The following OTOG variants were observed in gnomAD, a reference collection of about 807,000 sequenced individuals.
OTOG encodes otogelin.
A neutral mutation model predicts 313.8 loss-of-function variants in OTOG; 296 were observed. The observed-to-expected ratio is 0.94, with a 90% CI of 0.86 to 1.04. The LOEUF (loss-of-function observed/expected upper bound fraction) is 1.04. Among genes scored for constraint, OTOG ranks in the 50% least tolerant of loss-of-function variants. The pLI is 0.00. For missense variants in OTOG, 3,948 were observed against 3,840.1 expected (o/e 1.03, Z -0.74); for synonymous variants, 1,533 against 1,554.9 (o/e 0.99, Z 0.33).
At chr11:17,562,030 T>G (rs1360627395) in intron 15 of OTOG, among the ~76,000 whole-genome samples, 4 of 134,056 alleles carry the variant, frequency 3.0e-5, no homozygotes, top group Non-Finnish European at 4.6e-5. Context: ...TTTAGGATTT[T>G]ACTACCTAAA....
At chr11:17,613,195 T>TTTCTTTTCTTTCTTTCTTTC (rs1401646180) in intron 38 of OTOG, among the ~76,000 whole-genome samples, 52 of 65,298 alleles carry the variant, frequency 8.0e-4, no homozygotes, top group East Asian at 2.9e-3. Context: ...TCTTTCTTTC[T>TTTCTTTTCTTTCTTTCTTTC]TTTCTTTCTT....
intron 11 of OTOG, 98 bp from the exon 12 acceptor site, chr11:17,559,436 C>A: frequency 6.9e-7 from 1 of 1,459,214 alleles, no homozygotes; most frequent in South Asian, 1.3e-5. Flanking sequence ...AAAATCAAAG[C>A]CCTCCCTCCC....
intron 38 of OTOG, among the ~76,000 whole-genome samples, chr11:17,613,257 T>TTCTTTCTTTCTTTCTTTCTC (rs1853632513): frequency 7.8e-6 from 1 of 128,602 alleles, no homozygotes; most frequent in African/African-American, 3.4e-5. Context: ...CTTTCTTTCT[T>TTCTTTCTTTCTTTCTTTCTC]TCTTTCTTTC....
intron 39 of OTOG, among the ~76,000 whole-genome samples, chr11:17,617,774 T>G (rs1217502826): frequency 6.6e-6 from 1 of 152,252 alleles, no homozygotes; most frequent in East Asian, 1.9e-4. Flanking sequence ...TTCTCTATTA[T>G]TTTTATATTT....
At chr11:17,592,298 A>G (rs1259768068) in intron 25 of OTOG, among the ~76,000 whole-genome samples, 1 of 152,180 alleles carries the variant, frequency 6.6e-6, no homozygotes, top group African/African-American at 2.4e-5. Flanking sequence ...AATAATAACA[A>G]TGACAAAACC....
Position 17,578,364 on chromosome 11 carries a change from C to G in OTOG, c.2606-9C>G, listed in dbSNP as rs1202751536. ...CCAGGGCCTCCGCTCCCATCTTCTTCTCTTCCAGCTGCTGCCTGCCCAGCA... is the reference window on the plus strand; with the variant it reads ...CCAGGGCCTCCGCTCCCATCTTCTTGTCTTCCAGCTGCTGCCTGCCCAGCA... On this transcript the variant is annotated splice_polypyrimidine_tract_variant and intron_variant, in intron 22 of 55. Coordinates refer to ENST00000399397, the MANE Select transcript of OTOG (RefSeq NM_001292063.2). 1.3e-6 allele frequency: 2 copies of G among 1,494,368 alleles called. No individual in the cohort carries two copies. The highest frequency in any genetic ancestry group is 1.8e-6 in the Non-Finnish European group (2 of 1,121,780). The allele number at this position is 1,494,368 out of a possible 1,614,324, so 92.6% of individuals were successfully genotyped here. A position where few individuals can be genotyped will look rare whatever the true frequency, so the allele number is the denominator to read the frequency against.
At chr11:17,608,528 A>T (rs536149003) in intron 34 of OTOG, 115 bp downstream of exon 34, 71 of 679,246 alleles carry the variant, frequency 1.0e-4, no homozygotes, top group Non-Finnish European at 1.6e-4. Flanking sequence ...GGATGTGTGT[A>T]CCACGGTAAC....
At chr11:17,561,623 G>A in intron 14 of OTOG, 39 bp from the exon 15 acceptor site, 1 of 1,549,502 alleles carries the variant, frequency 6.5e-7, no homozygotes, top group Non-Finnish European at 8.7e-7. Context: ...TTCCCCTGGG[G>A]CGGCTCCCAT....
Position 17,610,010 on chromosome 11 carries a change from C to G in OTOG, c.4710C>G (p.Leu1570=). The G allele has an allele frequency of 1.9e-6, 3 of 1,545,178 alleles. No homozygotes were observed. The highest frequency in any genetic ancestry group is 1.7e-6 in the Non-Finnish European group (2 of 1,143,136). The change falls in exon 36 of 56, where the codon CTC becomes CTG. Residue 1570 remains leucine (L), a synonymous_variant. Transcript: ENST00000399397. Reference sequence around the variant, plus strand: ...CCCATACACCAGAGTCCTCATCCCTCCCTGTTGCACTGCAGACACCCACAC... The same window carrying G: ...CCCATACACCAGAGTCCTCATCCCTGCCTGTTGCACTGCAGACACCCACAC... ...AIPHTPESSS[L]PVALQTPTPG... is the part of the protein sequence containing the mutation.
chr11:17,548,642 C>T (rs187050042), intron 3 of OTOG, among the ~76,000 whole-genome samples: 1 of 152,152 alleles, frequency 6.6e-6, no homozygotes, highest in East Asian at 1.9e-4. Flanking sequence ...GCAGGCAAGA[C>T]AAAAACTAGG....
intron 39 of OTOG, among the ~76,000 whole-genome samples, chr11:17,620,819 G>A (rs189481840): frequency 6.6e-6 from 1 of 152,134 alleles, no homozygotes; most frequent in African/African-American, 2.4e-5. Flanking sequence ...TTTTAATTCT[G>A]TGCTTCATTT....
rs1195383931 is a variant in OTOG, at chr11:17,570,535, A to C, written c.1955+145A>C. The C allele has an allele frequency of 3.8e-6, 3 of 780,136 alleles. No individual in the cohort carries two copies. In the African/African-American group the frequency reaches 5.3e-5, roughly 14 times the overall value. The allele number at this position is 780,136 out of a possible 1,614,324, so 48.3% of individuals were successfully genotyped here. A position where few individuals can be genotyped will look rare whatever the true frequency, so the allele number is the denominator to read the frequency against. ...TTAGTTATTGATTTCTCTACATTTA[A>C]ATTTAATTATGTTTCTTTAAAGCAG... is the stretch of plus-strand genomic sequence containing the variant. On this transcript the variant is annotated intron_variant, in intron 17 of 55. Transcript: ENST00000399397.
rs1851947814 is a variant in OTOG at position 17,552,025 on chromosome 11, C to G, written c.242C>G (p.Ala81Gly). 6.4e-7 allele frequency: 1 copy of G among 1,550,408 alleles called. No homozygotes were observed. Among genetic ancestry groups the G allele is most frequent in the African/African-American group, 1.4e-5 (1 of 73,036 alleles). The change falls in exon 4 of 56, where the codon GCC (alanine) becomes GGC (glycine). Residue 81 changes from alanine (A) to glycine (G), a missense_variant. Transcript: ENST00000399397. ...CAGGCTGAAGCCCCAGACTCCGTGG[C>G]CATGTCTTCCTGGGAAAGGCGGCTC... is the stretch of plus-strand genomic sequence containing the variant. Reference protein sequence around the residue: ...GQQAEAPDSVAMSSWERRLHR... With the variant: ...GQQAEAPDSVGMSSWERRLHR...
intron 53 of OTOG, 48 bp downstream of exon 53, chr11:17,642,294 G>A: frequency 6.6e-7 from 1 of 1,513,430 alleles, no homozygotes; most frequent in Non-Finnish European, 8.9e-7. Flanking sequence ...GGCATCAGCT[G>A]TCTCACTGGT....
Position 17,547,289 on chromosome 11 carries a change from T to C in OTOG, c.-84T>C. 1 of 1,141,846 alleles carries C rather than the reference T, an allele frequency of 8.8e-7. No individual in the cohort carries two copies. The highest frequency in any genetic ancestry group is 1.1e-6 in the Non-Finnish European group (1 of 891,216). The allele number at this position is 1,141,846 out of a possible 1,614,324, so 70.7% of individuals were successfully genotyped here. ...AACAAGAGGGACCTCGGCTGCGGAG[T>C]GGAGGTGTGACCCTGCCTTAGCCCG... On this transcript the variant is annotated 5_prime_UTR_variant, in exon 1 of 56. Transcript: ENST00000399397.
chr11:17,605,949 G>C lies in OTOG; in HGVS notation c.3970G>C (p.Gly1324Arg). 6.4e-7 allele frequency: 1 copy of C among 1,550,590 alleles called. No homozygotes were observed. ...NGSLELAKWQ[G>R]RDTFQQHASF... Reference sequence around the variant, plus strand: ...GTCTCTGGAGCTGGCTAAGTGGCAGGGCCGTGACACCTTCCAACAGCATGC... The same window carrying C: ...GTCTCTGGAGCTGGCTAAGTGGCAGCGCCGTGACACCTTCCAACAGCATGC... Residue 1324 changes from glycine to arginine, a missense_variant, in exon 33 of 56, where the codon GGC becomes CGC. Coordinates refer to ENST00000399397, the MANE Select transcript of OTOG (RefSeq NM_001292063.2).
intron 3 of OTOG, among the ~76,000 whole-genome samples, chr11:17,549,325 T>C (rs998423462): frequency 1.3e-5 from 2 of 152,170 alleles, no homozygotes; most frequent in African/African-American, 2.4e-5. Context: ...GGGAGAATCG[T>C]TTATGACAGC....
intron 28 of OTOG, among the ~76,000 whole-genome samples, chr11:17,594,527 G>A (rs1853042470): frequency 6.6e-6 from 1 of 152,182 alleles, no homozygotes; most frequent in African/African-American, 2.4e-5. Flanking sequence ...GGTGGGTTGA[G>A]GCAATCAGGG....
chr11:17,645,293 C>T (rs1277488894), intron 54 of OTOG, among the ~76,000 whole-genome samples: 4 of 152,230 alleles, frequency 2.6e-5, no homozygotes, highest in Non-Finnish European at 5.9e-5. Context: ...CCAGATGCTT[C>T]TCTGCCCTAG....
Sources: gnomAD v4.1 joint callset for allele counts (sites outside exome capture counted in the v4.1 genomes callset) on GRCh38, gnomAD v4.1.1 for gene constraint, MANE v1.5 for transcripts, NCBI Gene and HGNC (gene_info 2026-07-23, HGNC 2026-07-21) for gene names.